Variants in TLN2 observed in about 807,000 individuals in gnomAD.
The protein encoded by TLN2 is talin-2.
In TLN2, 118 loss-of-function variants were observed where a neutral mutation model predicts 294.7. The ratio of observed to expected loss-of-function variants is 0.40; its 90% CI spans 0.34 to 0.47. The LOEUF is 0.47. TLN2 is among the 20% of genes least tolerant of loss of function. TLN2 has a pLI of 0.84. For synonymous variants in TLN2, 1,431 were observed against 1,304.5 expected (o/e 1.10, Z -2.09); for missense variants, 3,083 against 3,282.2 (o/e 0.94, Z 1.48).
chr15:62,450,636 A>C (rs1377517900), intron 1 of TLN2, among the ~76,000 whole-genome samples: 2 of 151,948 alleles, frequency 1.3e-5, no homozygotes, highest in Non-Finnish European at 2.9e-5. Flanking sequence ...GTGCGGTGGC[A>C]TGAACGCTGA....
At chr15:62,560,332 C>G (rs1293674817) in intron 1 of TLN2, among the ~76,000 whole-genome samples, 3 of 152,148 alleles carry the variant, frequency 2.0e-5, no homozygotes, top group African/African-American at 7.2e-5. Context: ...CCTCCACCTC[C>G]CGGGTTCAAG....
chr15:62,529,004 T>C (rs1241429332), intron 1 of TLN2, among the ~76,000 whole-genome samples: 1 of 152,202 alleles, frequency 6.6e-6, no homozygotes, highest in African/African-American at 2.4e-5. Context: ...AGTAATACTT[T>C]AATGGAGTCT....
chr15:62,810,082 T>C (rs745547524), intron 52 of TLN2, 50 bp downstream of exon 52: 1 of 1,458,880 alleles, frequency 6.9e-7, no homozygotes, highest in Admixed American at 1.7e-5. Flanking sequence ...TCCCTCTAGC[T>C]GTCCTGGCTG....
intron 1 of TLN2, among the ~76,000 whole-genome samples, chr15:62,560,546 C>T (rs760009250): frequency 2.0e-5 from 3 of 152,298 alleles, no homozygotes; most frequent in African/African-American, 7.2e-5. Context: ...GGGCTGGTCT[C>T]GAACTCTTGA....
At chr15:62,452,727 T>C (rs1328281418) in intron 1 of TLN2, among the ~76,000 whole-genome samples, 1 of 152,236 alleles carries the variant, frequency 6.6e-6, no homozygotes, top group Non-Finnish European at 1.5e-5. Flanking sequence ...TCTGTGTCGA[T>C]ACTTTAAGTC....
intron 52 of TLN2, among the ~76,000 whole-genome samples, chr15:62,812,740 C>G (rs2066790324): frequency 6.6e-6 from 1 of 152,156 alleles, no homozygotes; most frequent in South Asian, 2.1e-4. Context: ...CCATGCCCAC[C>G]TCGTTTGGGT....
At chr15:62,477,136 C>T (rs2037824717) in intron 1 of TLN2, among the ~76,000 whole-genome samples, 2 of 152,164 alleles carry the variant, frequency 1.3e-5, no homozygotes, top group African/African-American at 2.4e-5. Flanking sequence ...AAGTAAAAGC[C>T]TAAGTAAACT....
At chr15:62,707,343 TG>T in intron 20 of TLN2, 90 bp downstream of exon 20, 1 of 1,421,502 alleles carries the variant, frequency 7.0e-7, no homozygotes, top group South Asian at 1.7e-5. Context: ...GGGCAGAATT[TG>T]TTTAAATAGT....
intron 36 of TLN2, chr15:62,754,122 G>A (rs2062090497): frequency 3.1e-6 from 2 of 653,662 alleles, no homozygotes; most frequent in Non-Finnish European, 4.6e-6. Context: ...CCTTGAAATG[G>A]GGTGCCAGAA....
chr15:62,411,254 C>T (rs962500375), intron 1 of TLN2, among the ~76,000 whole-genome samples: 2 of 152,188 alleles, frequency 1.3e-5, no homozygotes, highest in Admixed American at 1.3e-4. Flanking sequence ...TGACCTTGGA[C>T]AAGTCACCTA....
intron 1 of TLN2, among the ~76,000 whole-genome samples, chr15:62,564,142 C>G (rs554332881): frequency 6.6e-4 from 101 of 152,334 alleles, no homozygotes; most frequent in African/African-American, 2.4e-3. Context: ...GGGCTCTGCA[C>G]TGTGCAACTC....
rs373800039 is a variant in TLN2, at chr15:62,780,492, A to G, written c.5515-648A>G. 7.9e-5 allele frequency among the ~76,000 whole-genome samples: 12 copies of G among 152,254 alleles called. No individual in the cohort carries two copies. In the East Asian group the frequency reaches 1.5e-3, roughly 20 times the overall value. On this transcript the variant is annotated intron_variant, in intron 43 of 58. Coordinates refer to ENST00000636159, the MANE Select transcript of TLN2 (RefSeq NM_015059.3). ...GCCTTGGAAACACATTTTGAATACAAATCTCCTACACCAATATGTCCCCAA... is the reference window on the plus strand; with the variant it reads ...GCCTTGGAAACACATTTTGAATACAGATCTCCTACACCAATATGTCCCCAA...
rs1034327835 is a variant in TLN2 at position 62,841,452 on chromosome 15, A to T, written c.*842A>T. Reference sequence around the variant, plus strand: ...CGTCTCCTTAGCGTCCAGGGTGGGGATTCTGCTGGAATAAAGAGCTTCCTC... The same window carrying T: ...CGTCTCCTTAGCGTCCAGGGTGGGGTTTCTGCTGGAATAAAGAGCTTCCTC... On this transcript the variant is annotated 3_prime_UTR_variant, in exon 59 of 59. Transcript: ENST00000636159. 1 of 152,012 alleles carries T rather than the reference A, an allele frequency of 6.6e-6. No homozygotes were observed. The highest frequency in any genetic ancestry group is 2.4e-5 in the African/African-American group (1 of 41,376). The allele number at this position is 152,012 out of a possible 1,614,324, so 9.4% of individuals were successfully genotyped here. A position where few individuals can be genotyped will look rare whatever the true frequency, so the allele number is the denominator to read the frequency against.
chr15:62,479,050 G>T (rs2037939132), intron 1 of TLN2, among the ~76,000 whole-genome samples: 1 of 152,174 alleles, frequency 6.6e-6, no homozygotes, highest in South Asian at 2.1e-4. Context: ...AACCCCTTCT[G>T]GAATGCTGGG....
chr15:62,701,677 C>T (rs571552249), intron 17 of TLN2, among the ~76,000 whole-genome samples: 3 of 152,324 alleles, frequency 2.0e-5, no homozygotes, highest in East Asian at 1.9e-4. Context: ...CCTGCAGCAG[C>T]CTTTCAGGAG....
chr15:62,810,767 CAT>C (rs2066627700), intron 52 of TLN2, among the ~76,000 whole-genome samples: 1 of 152,184 alleles, frequency 6.6e-6, no homozygotes, highest in African/African-American at 2.4e-5. Context: ...TGTTTAGAAC[CAT>C]GTAAGGTCTA....
chr15:62,658,161 G>T, intron 9 of TLN2: 1 of 166,978 alleles, frequency 6.0e-6, no homozygotes, highest in Non-Finnish European at 1.2e-5. Context: ...TCGTCTTAGT[G>T]AAGAGGAAAG....
chr15:62,561,549 A>G (rs563615964), intron 1 of TLN2: 54 of 152,366 alleles, frequency 3.5e-4, no homozygotes, highest in African/African-American at 1.3e-3. Flanking sequence ...CTTCTCTTGC[A>G]TTACTGAACA....
intron 22 of TLN2, 122 bp downstream of exon 22, chr15:62,712,199 G>A: frequency 8.3e-7 from 1 of 1,206,684 alleles, no homozygotes; most frequent in Non-Finnish European, 1.1e-6. Flanking sequence ...AAACCTATAT[G>A]GCTTGTAACA....
Sources: gnomAD v4.1 joint callset for allele counts (sites outside exome capture counted in the v4.1 genomes callset) on GRCh38, gnomAD v4.1.1 for gene constraint, MANE v1.5 for transcripts, NCBI Gene and HGNC (gene_info 2026-07-23, HGNC 2026-07-21) for gene names.